NMU: variants seen among roughly 807,000 people sequenced by gnomAD.
NMU encodes neuromedin-U.
A neutral mutation model predicts 35.4 loss-of-function variants in NMU; 29 were observed. The ratio of observed to expected loss-of-function variants is 0.82; its 90% confidence interval spans 0.61 to 1.12. NMU has a LOEUF of 1.12. NMU is among the 50% of genes most tolerant of loss of function. NMU has a pLI of 0.00. For missense variants in NMU, 199 were observed against 206.2 expected (o/e 0.97, Z 0.21); for synonymous variants, 78 against 81.3 (o/e 0.96, Z 0.22).
chr4:55,636,203 G>A lies in NMU; in HGVS notation c.-11C>T. 3 of 1,480,528 alleles carry A rather than the reference G, an allele frequency of 2.0e-6. No individual in the cohort carries two copies. Among genetic ancestry groups the A allele is most frequent in the Non-Finnish European group, 2.7e-6 (3 of 1,124,662 alleles). 91.7% of individuals were successfully genotyped at this position (1,480,528 alleles called of 1,614,324 possible). ...CTCTGTTCGCAGCATCTCGGCGGCTGCGGGAGGCTCGGTGCTAGGGACGCT... is the reference window on the plus strand; with the variant it reads ...CTCTGTTCGCAGCATCTCGGCGGCTACGGGAGGCTCGGTGCTAGGGACGCT... On this transcript the variant is annotated 5_prime_UTR_variant, in exon 1 of 10. Transcript: ENST00000264218. This position sits in a 1 kb window ranked among gnomAD's most constrained non-coding sequence, Gnocchi z 4.0.
chr4:55,630,467 A>C lies in NMU; in HGVS notation c.113-7T>G. 1 of 1,606,942 alleles carries C rather than the reference A, an allele frequency of 6.2e-7. No homozygotes were observed. The highest frequency in any genetic ancestry group is 8.5e-7 in the Non-Finnish European group (1 of 1,173,892). Reference sequence around the variant, plus strand: ...TGAGGTAATATTGGAGCACCTAAAAATAAAGTTGTAGCCACAGATTAATTT... The same window carrying C: ...TGAGGTAATATTGGAGCACCTAAAACTAAAGTTGTAGCCACAGATTAATTT... On this transcript the variant is annotated splice_region_variant and splice_polypyrimidine_tract_variant and intron_variant, in intron 1 of 9. Coordinates refer to ENST00000264218, the MANE Select transcript of NMU (RefSeq NM_006681.4).
chr4:55,597,662 A>G (rs1249223739), intron 9 of NMU, among the ~76,000 whole-genome samples: 1 of 152,082 alleles, frequency 6.6e-6, no homozygotes, highest in African/African-American at 2.4e-5. Context: ...CACCGTGCCC[A>G]GCCGCGGGTA....
chr4:55,636,655 C>T (rs529252553), upstream of NMU: 1 of 154,874 alleles, frequency 6.5e-6, no homozygotes, highest in South Asian at 2.1e-4. This position sits in a 1 kb window ranked among gnomAD's most constrained non-coding sequence, Gnocchi z 4.0. Context: ...GTGGGACACC[C>T]TTTCTCCTTC....
At chr4:55,597,903 T>G (rs575839103) in intron 9 of NMU, among the ~76,000 whole-genome samples, 1 of 152,032 alleles carries the variant, frequency 6.6e-6, no homozygotes, top group African/African-American at 2.4e-5. Flanking sequence ...ATTTATGATT[T>G]TATCCTTTTT....
At chr4:55,625,908 A>G (rs937545334) in intron 2 of NMU, among the ~76,000 whole-genome samples, 12 of 151,928 alleles carry the variant, frequency 7.9e-5, no homozygotes, top group East Asian at 1.9e-4. Flanking sequence ...TCCACTCCCC[A>G]GTGACAGACA....
intron 3 of NMU, among the ~76,000 whole-genome samples, chr4:55,614,844 A>G (rs1282123237): frequency 6.6e-6 from 1 of 152,250 alleles, no homozygotes; most frequent in Non-Finnish European, 1.5e-5. Flanking sequence ...ATCTCATGTT[A>G]TTAATATATA....
intron 3 of NMU, among the ~76,000 whole-genome samples, chr4:55,611,394 T>G (rs1733925545): frequency 6.6e-6 from 1 of 152,062 alleles, no homozygotes. Flanking sequence ...TTTATAAAAG[T>G]AAAAAAGTTA....
At chr4:55,612,289 A>G (rs142535787) in intron 3 of NMU, among the ~76,000 whole-genome samples, 105 of 152,308 alleles carry the variant, frequency 6.9e-4, no homozygotes, top group African/African-American at 2.4e-3. Context: ...AGTCCCAGCT[A>G]TTCAGGAGGC....
Position 55,636,154 on chromosome 4 carries a change from G to C in NMU, c.39C>G (p.Ala13=). The C allele has an allele frequency of 2.0e-6, 3 of 1,516,596 alleles. No individual in the cohort carries two copies. Among genetic ancestry groups the C allele is most frequent in the Non-Finnish European group, 2.6e-6 (3 of 1,139,228 alleles). The allele number at this position is 1,516,596 out of a possible 1,614,324, so 93.9% of individuals were successfully genotyped here. ...GCGGGGACGCCGCGGCCACCTGTCC[G>C]GCGGGCGACCTGGGGCGGCAGCTCT... is the stretch of plus-strand genomic sequence containing the variant. ...RTESCRPRSP[A]GQVAAASPLL... is the part of the protein sequence containing the mutation. Residue 13 remains alanine (A), a synonymous_variant, in exon 1 of 10, where the codon GCC becomes GCG. Transcript: ENST00000264218. The surrounding 1 kb of genome is among the most constrained non-coding windows in gnomAD (Gnocchi z 4.0).
chr4:55,619,801 C>T (rs1208078477), intron 2 of NMU, among the ~76,000 whole-genome samples: 1 of 146,128 alleles, frequency 6.8e-6, no homozygotes, highest in South Asian at 2.4e-4. Context: ...GTTCTCCCAG[C>T]ACGCAGCTGG....
intron 2 of NMU, among the ~76,000 whole-genome samples, chr4:55,618,576 TTCTTTCTTTCTTG>T (rs1281790456): frequency 2.0e-5 from 3 of 152,056 alleles, no homozygotes; most frequent in African/African-American, 4.8e-5. Flanking sequence ...TTTCTTTCTT[TTCTTTCTTTCTTG>T]TCTTTCTTTC....
chr4:55,611,014 G>A (rs13147861), intron 3 of NMU, among the ~76,000 whole-genome samples: 43,599 of 152,102 alleles, frequency 0.29, 6,897 homozygotes, highest in East Asian at 0.59. Flanking sequence ...CACCTGTTCA[G>A]CATGTTTGTG....
intron 2 of NMU, among the ~76,000 whole-genome samples, chr4:55,629,271 C>CTT (rs200107051): frequency 2.7e-5 from 4 of 149,006 alleles, no homozygotes; most frequent in Non-Finnish European, 6.0e-5. Flanking sequence ...ATAGTTCTGT[C>CTT]TTTTTTTTTT....
At chr4:55,612,392 C>A (rs964229132) in intron 3 of NMU, among the ~76,000 whole-genome samples, 1 of 151,998 alleles carries the variant, frequency 6.6e-6, no homozygotes, top group African/African-American at 2.4e-5. Flanking sequence ...AGAGTGAGAC[C>A]CTATCTCTAA....
chr4:55,617,234 A>G (rs1164626541), intron 2 of NMU, among the ~76,000 whole-genome samples: 1 of 152,124 alleles, frequency 6.6e-6, no homozygotes, highest in African/African-American at 2.4e-5. Flanking sequence ...ATTATACTCT[A>G]CTGTCATAAA....
chr4:55,604,679 A>ATAT (rs1553909885), intron 7 of NMU, among the ~76,000 whole-genome samples: 2 of 47,610 alleles, frequency 4.2e-5, no homozygotes, highest in African/African-American at 2.3e-4. Flanking sequence ...TGCCTGGCTA[A>ATAT]TTTTTTTTTT....
chr4:55,619,864 C>T (rs1447371101), intron 2 of NMU, among the ~76,000 whole-genome samples: 1 of 131,370 alleles, frequency 7.6e-6, no homozygotes, highest in African/African-American at 2.7e-5. Flanking sequence ...ACCCCTGACC[C>T]CCGAGCAGCC....
intron 3 of NMU, among the ~76,000 whole-genome samples, chr4:55,612,232 C>T (rs1169852110): frequency 3.3e-5 from 5 of 152,172 alleles, no homozygotes; most frequent in South Asian, 2.1e-4. Flanking sequence ...CATCTTTACA[C>T]AAAATTGTTT....
chr4:55,614,791 G>C (rs1246851983), intron 3 of NMU, among the ~76,000 whole-genome samples: 1 of 152,112 alleles, frequency 6.6e-6, no homozygotes, highest in Non-Finnish European at 1.5e-5. Flanking sequence ...GGATGTTCCT[G>C]AATTTTAAAT....
Sources: allele counts gnomAD v4.1 joint callset (sites outside exome capture counted in the v4.1 genomes callset), GRCh38; gene constraint gnomAD v4.1.1; non-coding constraint Gnocchi (gnomAD v3.1); transcripts MANE v1.5; gene names NCBI Gene and HGNC (gene_info 2026-07-23, HGNC 2026-07-21).